The following HIPK1 variants were observed in gnomAD, a reference collection of about 807,000 sequenced individuals.
HIPK1 encodes homeodomain interacting protein kinase 1.
A neutral mutation model predicts 117.1 loss-of-function variants in HIPK1; 28 were observed. That is an observed-to-expected ratio of 0.24 (90% CI 0.18 to 0.33). The LOEUF is 0.33. Ranked by LOEUF, HIPK1 falls within the 10% of genes least tolerant of loss-of-function variation. The pLI is 1.00. For synonymous variants in HIPK1, 605 were observed against 562.5 expected (o/e 1.08, Z -1.07); for missense variants, 1,122 against 1,475.1 (o/e 0.76, Z 3.92).
rs1006174546 is a variant in HIPK1 at position 113,973,520 on chromosome 1, G to A, written c.*8G>A. ...CAGTATTCCTACTTATAGTTGGTGAGCATGAGGGAGGAGGAATCATGGCTA... is the reference window on the plus strand; with the variant it reads ...CAGTATTCCTACTTATAGTTGGTGAACATGAGGGAGGAGGAATCATGGCTA... On this transcript the variant is annotated 3_prime_UTR_variant, in exon 16 of 16. Coordinates refer to ENST00000426820, the MANE Select transcript of HIPK1 (RefSeq NM_198268.3). 6.4e-7 allele frequency: 1 copy of A among 1,563,380 alleles called. No homozygotes were observed.
Position 113,976,877 on chromosome 1 carries a change from G to A in HIPK1, c.*3365G>A, listed in dbSNP as rs761169669. 6.5e-6 allele frequency: 1 copy of A among 152,842 alleles called. No homozygotes were observed. Among genetic ancestry groups the A allele is most frequent in the Non-Finnish European group, 1.5e-5 (1 of 68,080 alleles). The allele number at this position is 152,842 out of a possible 1,614,324, so 9.5% of individuals were successfully genotyped here. Reference sequence around the variant, plus strand: ...TCTTCCTTTCCGGGTGAGAGAAGAAGCGGAGAAGGGTTCAGTGTAGCCACT... The same window carrying A: ...TCTTCCTTTCCGGGTGAGAGAAGAAACGGAGAAGGGTTCAGTGTAGCCACT... On this transcript the variant is annotated 3_prime_UTR_variant, in exon 16 of 16. Coordinates refer to ENST00000426820, the MANE Select transcript of HIPK1 (RefSeq NM_198268.3).
intron 2 of HIPK1, among the ~76,000 whole-genome samples, chr1:113,952,305 A>T (rs988603758): frequency 7.2e-5 from 11 of 152,108 alleles, no homozygotes; most frequent in Non-Finnish European, 1.5e-4. Context: ...TAATAAAAAA[A>T]ATCTATTATC....
rs1382170940 is a variant in HIPK1, at chr1:113,974,175, C to G, written c.*663C>G. 1 of 152,338 alleles carries G rather than the reference C, an allele frequency of 6.6e-6. No homozygotes were observed. The highest frequency in any genetic ancestry group is 6.5e-5 in the Admixed American group (1 of 15,280). 9.4% of individuals were successfully genotyped at this position (152,338 alleles called of 1,614,324 possible). On this transcript the variant is annotated 3_prime_UTR_variant, in exon 16 of 16. Coordinates refer to ENST00000426820, the MANE Select transcript of HIPK1 (RefSeq NM_198268.3). ...CTCTGTGTTACTATTGAGATTCTCT[C>G]AATTGCTCCTGTGTTTGTTATAAAG...
intron 1 of HIPK1, chr1:113,930,511 A>T (rs1257270813): frequency 6.6e-6 from 1 of 152,232 alleles, no homozygotes; most frequent in Non-Finnish European, 1.5e-5. Context: ...GTATATCTGT[A>T]CAAGGGAGAT....
At position 113,973,271 on chromosome 1, in the gene HIPK1, A is replaced by G. The variant is rs748004452; in HGVS notation, c.3392A>G (p.His1131Arg). The G allele has an allele frequency of 1.5e-5, 24 of 1,613,906 alleles. No homozygotes were observed. In the Admixed American group the frequency reaches 1.7e-4, roughly 11 times the overall value. ...CTGGGCTCAACCAGCTCCATTGCTC[A>G]TCTTTTCTCCCCACAGGGTTCCTCA... ...AALGSTSSIAHLFSPQGSSRH... is the reference protein window; with the variant it reads ...AALGSTSSIARLFSPQGSSRH... Residue 1131 changes from histidine (H) to arginine (R), a missense_variant, in exon 16 of 16, where the codon CAT (histidine) becomes CGT (arginine). Coordinates refer to ENST00000426820, the MANE Select transcript of HIPK1 (RefSeq NM_198268.3).
rs1673058648 is a variant in HIPK1 at position 113,974,909 on chromosome 1, G to A, written c.*1397G>A. Reference sequence around the variant, plus strand: ...TGTGATCCTCCAGTGTTATCCCGGAGATGGATTGATGTCTCCATTGTATTT... The same window carrying A: ...TGTGATCCTCCAGTGTTATCCCGGAAATGGATTGATGTCTCCATTGTATTT... On this transcript the variant is annotated 3_prime_UTR_variant, in exon 16 of 16. Transcript: ENST00000426820. 6.5e-6 allele frequency: 1 copy of A among 152,770 alleles called. No individual in the cohort carries two copies. Among genetic ancestry groups the A allele is most frequent in the Admixed American group, 6.5e-5 (1 of 15,284 alleles). 9.5% of individuals were successfully genotyped at this position (152,770 alleles called of 1,614,324 possible).
chr1:113,934,879 A>G (rs554779894), intron 1 of HIPK1, among the ~76,000 whole-genome samples: 1 of 148,322 alleles, frequency 6.7e-6, no homozygotes, highest in East Asian at 2.0e-4. Flanking sequence ...AGTCCTAGCT[A>G]CTTGGATGGC....
chr1:113,946,303 G>T (rs569742743), intron 2 of HIPK1, among the ~76,000 whole-genome samples: 1 of 152,316 alleles, frequency 6.6e-6, no homozygotes, highest in South Asian at 2.1e-4. Flanking sequence ...GCTGAAGGAA[G>T]AGGGCTGATC....
At position 113,930,135 on chromosome 1, in the gene HIPK1, C is replaced by T. The variant is rs976959139; in HGVS notation, c.-3+603C>T. On this transcript the variant is annotated intron_variant, in intron 1 of 15. Transcript: ENST00000426820. ...TCACTGCCGCTGAGGGGATTGCCTT[C>T]CCAGGAAGGTGGGGAGGCTCCGGGC... is the stretch of plus-strand genomic sequence containing the variant. Among the ~76,000 whole-genome samples, 22 of 152,342 alleles carry T rather than the reference C, an allele frequency of 1.4e-4. No homozygotes were observed. In the South Asian group the frequency reaches 4.6e-3, roughly 32 times the overall value.
At chr1:113,943,641 G>C (rs1670794824) in intron 2 of HIPK1, among the ~76,000 whole-genome samples, 1 of 152,188 alleles carries the variant, frequency 6.6e-6, no homozygotes, top group African/African-American at 2.4e-5. Context: ...TGGGGATATA[G>C]CTAGGAGTGG....
At position 113,963,426 on chromosome 1, in the gene HIPK1, C is replaced by T; in HGVS notation, c.2143C>T (p.Gln715Ter). Reference sequence around the variant, plus strand: ...ACTAATGGTAGCAACTCTCCACCCTCAAGTAGCCACCATCACACCGCAGTA... The same window carrying T: ...ACTAATGGTAGCAACTCTCCACCCTTAAGTAGCCACCATCACACCGCAGTA... ...TPLMVATLHP[Q>*]VATITPQYAV... is the part of the protein sequence containing the mutation. The change falls in exon 10 of 16, where the codon CAA becomes TAA. Residue 715 changes from glutamine to a stop codon, truncating the protein, a stop_gained. Coordinates refer to ENST00000426820, the MANE Select transcript of HIPK1 (RefSeq NM_198268.3). LOFTEE classifies it high-confidence loss of function. The T allele has an allele frequency of 6.2e-7, 1 of 1,614,238 alleles. No homozygotes were observed.
intron 1 of HIPK1, among the ~76,000 whole-genome samples, chr1:113,933,500 C>CT (rs539972879): frequency 2.9e-3 from 424 of 147,150 alleles, no homozygotes; most frequent in African/African-American, 9.2e-3. Context: ...GATAGGTACA[C>CT]TTTTTTTTTT....
At chr1:113,962,202 A>G (rs1040709316) in intron 8 of HIPK1, 115 bp from the exon 9 acceptor site, 17 of 1,039,544 alleles carry the variant, frequency 1.6e-5, no homozygotes, top group Non-Finnish European at 2.2e-5. Context: ...TTAAGTGTCT[A>G]GGATTAAAAC....
At chr1:113,965,092 C>T (rs527864812) in intron 10 of HIPK1, among the ~76,000 whole-genome samples, 4 of 152,250 alleles carry the variant, frequency 2.6e-5, no homozygotes, top group South Asian at 2.1e-4. Context: ...TGCAGTTTCT[C>T]TGCTTTGAAG....
chr1:113,972,323 T>G (rs1314230062), intron 15 of HIPK1, among the ~76,000 whole-genome samples: 3 of 152,204 alleles, frequency 2.0e-5, no homozygotes, highest in Admixed American at 2.0e-4. Context: ...CATTGTTTAC[T>G]TGAGTCAAGA....
chr1:113,944,161 T>G (rs1436889854), intron 2 of HIPK1, among the ~76,000 whole-genome samples: 2 of 113,862 alleles, frequency 1.8e-5, no homozygotes, highest in African/African-American at 8.0e-5. Context: ...AGCCATGGGT[T>G]TTTTTTTTTT....
chr1:113,954,660 A>G lies in HIPK1; in HGVS notation c.1210A>G (p.Ile404Val), dbSNP rs1430771555. 1.2e-6 allele frequency: 2 copies of G among 1,613,744 alleles called. No homozygotes were observed. Among genetic ancestry groups the G allele is most frequent in the African/African-American group, 2.7e-5 (2 of 74,914 alleles). ...GGTTTTGATGTTTCAGATTCGTTATATTTCACAAACACAAGGCTTGCCAGC... is the reference window on the plus strand; with the variant it reads ...GGTTTTGATGTTTCAGATTCGTTATGTTTCACAAACACAAGGCTTGCCAGC... Reference protein sequence around the residue: ...GASEYDQIRYISQTQGLPAEY... With the variant: ...GASEYDQIRYVSQTQGLPAEY... Residue 404 changes from isoleucine to valine, a missense_variant, in exon 4 of 16, where the codon ATT (isoleucine) becomes GTT (valine). This residue lies in a region of HIPK1 where 127 missense variants were observed against 197.9 expected (regional missense o/e 0.64). Coordinates refer to ENST00000426820, the MANE Select transcript of HIPK1 (RefSeq NM_198268.3).
At chr1:113,963,262 G>T in intron 9 of HIPK1, 125 bp from the exon 10 acceptor site, 1 of 1,098,954 alleles carries the variant, frequency 9.1e-7, no homozygotes, top group East Asian at 2.4e-5. Flanking sequence ...TTTGGTATAT[G>T]CATTTTAGAT....
At chr1:113,930,805 G>C (rs1218052203) in intron 1 of HIPK1, 1 of 152,014 alleles carries the variant, frequency 6.6e-6, no homozygotes, top group Non-Finnish European at 1.5e-5. Context: ...GGGGAGGGGG[G>C]TTCAGGATGG....
Sources: allele counts gnomAD v4.1 joint callset (sites outside exome capture counted in the v4.1 genomes callset), GRCh38; gene constraint gnomAD v4.1.1; regional missense constraint gnomAD v4.1.1; transcripts MANE v1.5; gene names NCBI Gene and HGNC (gene_info 2026-07-23, HGNC 2026-07-21).